The following RASGRF2 variants were observed in gnomAD, a reference collection of about 807,000 sequenced individuals.
RASGRF2 encodes the protein Ras protein specific guanine nucleotide releasing factor 2.
In RASGRF2, 76 loss-of-function variants were observed where a neutral mutation model predicts 151.0. That is an observed-to-expected ratio of 0.50 (90% CI 0.42 to 0.61). RASGRF2 has a LOEUF of 0.61. Among genes scored for constraint, RASGRF2 ranks in the 20% least tolerant of loss-of-function variants. The pLI is 0.00. For synonymous variants in RASGRF2, 504 were observed against 566.5 expected, an observed-to-expected ratio of 0.89 and a Z score of 1.57; for missense variants, 1,148 against 1,564.6, an observed-to-expected ratio of 0.73 and a Z score of 4.49.
At chr5:81,021,795 G>T (rs1749835727) in intron 1 of RASGRF2, among the ~76,000 whole-genome samples, 1 of 152,150 alleles carries the variant, frequency 6.6e-6, no homozygotes, top group South Asian at 2.1e-4. Flanking sequence ...ATAATCATAG[G>T]GTGGCCAATG....
chr5:81,030,281 A>C (rs1465987600), intron 1 of RASGRF2, among the ~76,000 whole-genome samples: 1 of 152,206 alleles, frequency 6.6e-6, no homozygotes, highest in Non-Finnish European at 1.5e-5. Context: ...CAACATTCAA[A>C]TTCAGGAAAT....
At chr5:81,092,421 ATAT>A (rs1348802109) in intron 9 of RASGRF2, among the ~76,000 whole-genome samples, 6 of 152,164 alleles carry the variant, frequency 3.9e-5, no homozygotes, top group South Asian at 2.1e-4. Context: ...TTTTGTTATC[ATAT>A]TATTCTATAT....
At chr5:81,033,762 C>T (rs1418307044) in intron 1 of RASGRF2, among the ~76,000 whole-genome samples, 2 of 152,076 alleles carry the variant, frequency 1.3e-5, no homozygotes, top group South Asian at 2.1e-4. Flanking sequence ...TCTAAAACAC[C>T]AAAAGCAATG....
chr5:81,101,478 A>G (rs1002318404), intron 12 of RASGRF2, among the ~76,000 whole-genome samples: 7 of 147,960 alleles, frequency 4.7e-5, no homozygotes, highest in Admixed American at 1.4e-4. Flanking sequence ...TCCAGGAGCC[A>G]TTTTTTTTTT....
chr5:81,016,005 A>G (rs561566795), intron 1 of RASGRF2, among the ~76,000 whole-genome samples: 1 of 152,304 alleles, frequency 6.6e-6, no homozygotes, highest in South Asian at 2.1e-4. Context: ...TAGTCATCAC[A>G]CTGTAAGAGA....
At chr5:81,087,503 A>G in intron 9 of RASGRF2, 1 of 603,788 alleles carries the variant, frequency 1.7e-6, no homozygotes, top group East Asian at 2.8e-5. Flanking sequence ...GTAATGCAGA[A>G]GCTGTCGTGT....
In RASGRF2 at chr5:81,226,738, T is replaced by TG. The variant is rs1266920616; in HGVS notation, c.*968_*969insG. On this transcript the variant is annotated 3_prime_UTR_variant, in exon 27 of 27. Coordinates refer to ENST00000265080, the MANE Select transcript of RASGRF2 (RefSeq NM_006909.3). Reference sequence around the variant, plus strand: ...ATTCTCATTTACACAGACCTTTTTTTAGGCTTACTATGAACATTGGCTGTA... The same window carrying TG: ...ATTCTCATTTACACAGACCTTTTTTTGAGGCTTACTATGAACATTGGCTGTA... 1 of 152,250 alleles carries TG rather than the reference T, an allele frequency of 6.6e-6. No homozygotes were observed. The highest frequency in any genetic ancestry group is 3.2e-3 in the Middle Eastern group (1 of 316). 9.4% of individuals were successfully genotyped at this position (152,250 alleles called of 1,614,324 possible). A position where few individuals can be genotyped will look rare whatever the true frequency, so the allele number is the denominator to read the frequency against.
chr5:81,217,570 T>TC, intron 25 of RASGRF2, 97 bp downstream of exon 25: 2 of 522,410 alleles, frequency 3.8e-6, no homozygotes, highest in Non-Finnish European at 5.6e-6. Flanking sequence ...TTTTTTTTTC[T>TC]CTTCTTTTTT....
At chr5:81,170,135 C>A (rs1754625199) in intron 17 of RASGRF2, among the ~76,000 whole-genome samples, 1 of 151,236 alleles carries the variant, frequency 6.6e-6, no homozygotes, top group Non-Finnish European at 1.5e-5. Flanking sequence ...ACCTGCACCA[C>A]CTGCATCACC....
At position 81,108,832 on chromosome 5, in the gene RASGRF2, CTCTG is replaced by C. The variant is rs766725877; in HGVS notation, c.1756-162_1756-159del. ...TTCATCAGTGTATAATATTTACCTACTCTGTGTGTGTGTGTGTGTGTGTGTGTGT... is the reference window on the plus strand; with the variant it reads ...TTCATCAGTGTATAATATTTACCTACTGTGTGTGTGTGTGTGTGTGTGTGT... On this transcript the variant is annotated intron_variant, in intron 12 of 26. Coordinates refer to ENST00000265080, the MANE Select transcript of RASGRF2 (RefSeq NM_006909.3). Among the ~76,000 whole-genome samples the C allele has an allele frequency of 5.1e-3, 590 of 115,484 alleles. 5 individuals carry two copies. The highest frequency in any genetic ancestry group is 0.026 in the Middle Eastern group (6 of 234). 75.8% of individuals were successfully genotyped at this position (115,484 alleles called of 152,430 possible). A position where few individuals can be genotyped will look rare whatever the true frequency, so the allele number is the denominator to read the frequency against.
chr5:81,212,596 A>G, intron 23 of RASGRF2, 33 bp downstream of exon 23: 4 of 1,554,034 alleles, frequency 2.6e-6, no homozygotes, highest in Non-Finnish European at 3.5e-6. Context: ...GCCTGCTGCT[A>G]AGAGGAGGAG....
intron 25 of RASGRF2, among the ~76,000 whole-genome samples, chr5:81,217,935 G>T (rs1755779540): frequency 6.6e-6 from 1 of 152,042 alleles, no homozygotes; most frequent in Non-Finnish European, 1.5e-5. Context: ...GTAGAGACGG[G>T]GTTTCACTGT....
chr5:81,053,501 A>G (rs1462393403), intron 2 of RASGRF2, among the ~76,000 whole-genome samples: 2 of 152,024 alleles, frequency 1.3e-5, no homozygotes, highest in Admixed American at 1.3e-4. Flanking sequence ...TATATGTGCC[A>G]TATTTTCTTA....
rs998289936 is a variant in RASGRF2, at chr5:81,217,108, T to C, written c.3435-248T>C. On this transcript the variant is annotated intron_variant, in intron 24 of 26. Coordinates refer to ENST00000265080, the MANE Select transcript of RASGRF2 (RefSeq NM_006909.3). The stretch of plus-strand genomic sequence containing the variant: ...ATGCTTTGTATTTGTCTCTAAGATA[T>C]CCTGTTGTTTGAATATGCCATTTTT... The C allele has an allele frequency of 4.2e-5, 20 of 479,696 alleles. No homozygotes were observed. In the East Asian group the frequency reaches 5.3e-4, roughly 13 times the overall value. The allele number at this position is 479,696 out of a possible 1,614,324, so 29.7% of individuals were successfully genotyped here. A position where few individuals can be genotyped will look rare whatever the true frequency, so the allele number is the denominator to read the frequency against.
intron 18 of RASGRF2, among the ~76,000 whole-genome samples, chr5:81,191,772 TGTG>T (rs1475959065): frequency 3.3e-5 from 5 of 152,266 alleles, no homozygotes; most frequent in Admixed American, 1.3e-4. Flanking sequence ...ATTCCGGGGT[TGTG>T]GGGCAGTATT....
chr5:81,129,226 G>A lies in RASGRF2; in HGVS notation c.2686+2063G>A, dbSNP rs189742132. Among the ~76,000 whole-genome samples the A allele has an allele frequency of 4.6e-5, 7 of 152,332 alleles. No individual in the cohort carries two copies. In the East Asian group the frequency reaches 7.7e-4, roughly 17 times the overall value. ...TAAACTAAACCTATGGGCTCCAATC[G>A]TCATGATTTGTAGAAACATGAGAGA... is the stretch of plus-strand genomic sequence containing the variant. On this transcript the variant is annotated intron_variant, in intron 17 of 26. Coordinates refer to ENST00000265080, the MANE Select transcript of RASGRF2 (RefSeq NM_006909.3).
At chr5:81,023,717 C>G (rs1398491980) in intron 1 of RASGRF2, among the ~76,000 whole-genome samples, 1 of 152,178 alleles carries the variant, frequency 6.6e-6, no homozygotes, top group Non-Finnish European at 1.5e-5. Context: ...TTAAAGGCTG[C>G]TTTTAATTGG....
rs368145231 is a variant in RASGRF2 at position 81,223,538 on chromosome 5, G to A, written c.3622-2140G>A. 3.3e-5 allele frequency: 5 copies of A among 152,434 alleles called. No homozygotes were observed. In the South Asian group the frequency reaches 6.2e-4, roughly 19 times the overall value. 9.4% of individuals were successfully genotyped at this position (152,434 alleles called of 1,614,324 possible). A position where few individuals can be genotyped will look rare whatever the true frequency, so the allele number is the denominator to read the frequency against. On this transcript the variant is annotated intron_variant, in intron 26 of 26. Coordinates refer to ENST00000265080, the MANE Select transcript of RASGRF2 (RefSeq NM_006909.3). ...CGCCTATAGACCCAGCTACTTGGGAGGCTGAGACAGGAGGATGGCGTGAAC... is the reference window on the plus strand; with the variant it reads ...CGCCTATAGACCCAGCTACTTGGGAAGCTGAGACAGGAGGATGGCGTGAAC...
chr5:81,143,878 A>G (rs1218261255), intron 17 of RASGRF2, among the ~76,000 whole-genome samples: 1 of 145,198 alleles, frequency 6.9e-6, no homozygotes, highest in Non-Finnish European at 1.5e-5. Flanking sequence ...CGACAGAGTG[A>G]AAATGTCTCA....
Sources: allele counts gnomAD v4.1 joint callset (sites outside exome capture counted in the v4.1 genomes callset), GRCh38; gene constraint gnomAD v4.1.1; transcripts MANE v1.5; gene names NCBI Gene and HGNC (gene_info 2026-07-23, HGNC 2026-07-21).